Variants in DENND1B observed in about 807,000 individuals in gnomAD.
DENND1B encodes the protein DENN domain containing 1B.
In DENND1B, 59 loss-of-function variants were observed where a neutral mutation model predicts 90.1. The observed-to-expected ratio is 0.65, with a 90% CI of 0.53 to 0.81. The LOEUF is 0.81. Among genes scored for constraint, DENND1B ranks in the 40% least tolerant of loss-of-function variants. The pLI, the probability that DENND1B is intolerant of heterozygous loss-of-function variation, is 0.00. For missense variants in DENND1B, 862 were observed against 912.6 expected (o/e 0.94, Z 0.71); for synonymous variants, 337 against 324.6 (o/e 1.04, Z -0.41).
chr1:197,627,825 G>T (rs535049616), intron 10 of DENND1B, among the ~76,000 whole-genome samples: 1 of 152,266 alleles, frequency 6.6e-6, no homozygotes, highest in African/African-American at 2.4e-5. Flanking sequence ...AGCAACTTCA[G>T]CAAAGTCTCA....
intron 1 of DENND1B, chr1:197,774,730 A>AT: frequency 6.3e-6 from 1 of 158,526 alleles, no homozygotes; most frequent in Admixed American, 6.5e-5. Context: ...TAACCTCTTA[A>AT]CCTCAACGCT....
chr1:197,676,745 T>C (rs890572689), intron 3 of DENND1B, among the ~76,000 whole-genome samples: 2 of 152,158 alleles, frequency 1.3e-5, no homozygotes, highest in East Asian at 1.9e-4. Context: ...TTTCTGTGTA[T>C]GTCCTAAAAC....
chr1:197,706,464 CA>C (rs1468763767), intron 3 of DENND1B, among the ~76,000 whole-genome samples: 1 of 151,982 alleles, frequency 6.6e-6, no homozygotes, highest in Non-Finnish European at 1.5e-5. Context: ...TCGGCACAGC[CA>C]AAGGAACAAC....
chr1:197,675,308 T>C (rs1193115717), intron 3 of DENND1B, among the ~76,000 whole-genome samples: 1 of 152,164 alleles, frequency 6.6e-6, no homozygotes, highest in African/African-American at 2.4e-5. Flanking sequence ...AAGTAGAATT[T>C]CTTGCATTCT....
intron 15 of DENND1B, among the ~76,000 whole-genome samples, chr1:197,553,443 A>G (rs1341591061): frequency 1.3e-5 from 2 of 152,162 alleles, no homozygotes; most frequent in Non-Finnish European, 2.9e-5. Context: ...CAATCTCTAC[A>G]GAGGAGTTTG....
In DENND1B at chr1:197,585,291, A is replaced by T. The variant is rs531533727; in HGVS notation, c.1048-2038T>A. Among the ~76,000 whole-genome samples the T allele has an allele frequency of 2.0e-5, 3 of 152,338 alleles. No homozygotes were observed. In the South Asian group the frequency reaches 6.2e-4, roughly 32 times the overall value. ...ATATCATCTTCACAAAAATAAATAC[A>T]ATTTTAAAAATAAATATAAGTAATT... On this transcript the variant is annotated intron_variant, in intron 14 of 22. Coordinates refer to ENST00000620048, the MANE Select transcript of DENND1B (RefSeq NM_001195215.2).
At chr1:197,603,368 G>A (rs927868917) in intron 13 of DENND1B, among the ~76,000 whole-genome samples, 15 of 151,158 alleles carry the variant, frequency 9.9e-5, no homozygotes, top group African/African-American at 3.4e-4. Flanking sequence ...ACAGGCCTGA[G>A]GATCAACCTC....
At chr1:197,652,212 A>T (rs750138599) in intron 7 of DENND1B, 23 bp downstream of exon 7, 2 of 1,600,642 alleles carry the variant, frequency 1.2e-6, no homozygotes, top group Middle Eastern at 1.7e-4. Flanking sequence ...ACTCCCAAAA[A>T]CAATTACTGA....
rs1667807331 is a variant in DENND1B, at chr1:197,508,034, C to G, written c.*2426G>C. The stretch of plus-strand genomic sequence containing the variant: ...GTGGCTAAATATCCTCAAAGCAACA[C>G]AGTATTATAACCAAACACCTTGAAA... On this transcript the variant is annotated 3_prime_UTR_variant, in exon 23 of 23. Coordinates refer to ENST00000620048, the MANE Select transcript of DENND1B (RefSeq NM_001195215.2). The G allele has an allele frequency of 6.6e-6, 1 of 151,438 alleles. No individual in the cohort carries two copies. The highest frequency in any genetic ancestry group is 1.5e-5 in the Non-Finnish European group (1 of 67,704). 9.4% of individuals were successfully genotyped at this position (151,438 alleles called of 1,614,324 possible).
rs762498801 is a variant in DENND1B at position 197,760,518 on chromosome 1, G to A, written c.82+12350C>T. Among the ~76,000 whole-genome samples, 7 of 151,976 alleles carry A rather than the reference G, an allele frequency of 4.6e-5. No homozygotes were observed. In the South Asian group the frequency reaches 8.3e-4, roughly 18 times the overall value. On this transcript the variant is annotated intron_variant, in intron 2 of 22. Transcript: ENST00000620048. ...TAGCTGGGCATGGTGGTGTGTACCT[G>A]TAATCCCAGCTACTCGGGAGGCTGA...
intron 14 of DENND1B, among the ~76,000 whole-genome samples, chr1:197,586,842 CAG>C (rs530783524): frequency 1.3e-4 from 20 of 152,182 alleles, no homozygotes; most frequent in Non-Finnish European, 2.4e-4. Flanking sequence ...GACTGTATCA[CAG>C]AGTTAATCCC....
intron 3 of DENND1B, among the ~76,000 whole-genome samples, chr1:197,707,786 C>T (rs971673408): frequency 3.4e-5 from 5 of 148,418 alleles, no homozygotes; most frequent in South Asian, 2.1e-4. Flanking sequence ...ACGCAGAAGA[C>T]GGGTGATTTC....
rs567507977 is a variant in DENND1B, at chr1:197,745,842, G to A, written c.82+27026C>T. Among the ~76,000 whole-genome samples, 25 of 151,702 alleles carry A rather than the reference G, an allele frequency of 1.6e-4. No homozygotes were observed. The South Asian group carries it at 5.2e-3, about 32-fold the overall frequency. On this transcript the variant is annotated intron_variant, in intron 2 of 22. Coordinates refer to ENST00000620048, the MANE Select transcript of DENND1B (RefSeq NM_001195215.2). ...AATCATCTTCCAAATACTACATTCTGCCCCTTTCTTTATTGTAACAGTTTA... is the reference window on the plus strand; with the variant it reads ...AATCATCTTCCAAATACTACATTCTACCCCTTTCTTTATTGTAACAGTTTA...
chr1:197,739,344 C>T (rs1441104006), intron 2 of DENND1B, among the ~76,000 whole-genome samples: 4 of 152,180 alleles, frequency 2.6e-5, no homozygotes, highest in Non-Finnish European at 5.9e-5. Context: ...AAAACAAAAC[C>T]TTAAGTGCAT....
rs1656796848 is a variant in DENND1B, at chr1:197,772,883, C to T, written c.67G>A (p.Ala23Thr). Reference protein sequence around the residue: ...FDLVLKVKCHASENEDPVVLW... With the variant: ...FDLVLKVKCHTSENEDPVVLW... ...AGACACATACCTTCATTTTCAGAGG[C>T]ATGACATTTCACTTTCAACACCAAG... The change falls in exon 2 of 23, where the codon GCC (alanine) becomes ACC (threonine). Residue 23 changes from alanine to threonine, a missense_variant. By Grantham distance (58) the Ala-to-Thr change is moderately conservative. Transcript: ENST00000620048. 3 of 1,551,878 alleles carry T rather than the reference C, an allele frequency of 1.9e-6. No individual in the cohort carries two copies. Among genetic ancestry groups the T allele is most frequent in the Non-Finnish European group, 2.6e-6 (3 of 1,146,968 alleles).
chr1:197,577,646 A>C (rs778779278), intron 15 of DENND1B, among the ~76,000 whole-genome samples: 41 of 152,224 alleles, frequency 2.7e-4, no homozygotes, highest in Non-Finnish European at 4.9e-4. Flanking sequence ...TAAAAGTAAG[A>C]GACCTGAAAA....
chr1:197,667,678 C>G (rs569294307), intron 5 of DENND1B, among the ~76,000 whole-genome samples: 4 of 152,166 alleles, frequency 2.6e-5, no homozygotes, highest in Non-Finnish European at 5.9e-5. Flanking sequence ...GGATTACAGG[C>G]GTGGGCCCCT....
chr1:197,573,559 A>C (rs1238404602), intron 15 of DENND1B, among the ~76,000 whole-genome samples: 7 of 152,138 alleles, frequency 4.6e-5, no homozygotes, highest in Admixed American at 1.3e-4. Context: ...TGAAACTATT[A>C]CAATCAATAG....
At chr1:197,650,578 C>A (rs190334660) in intron 7 of DENND1B, among the ~76,000 whole-genome samples, 64 of 152,260 alleles carry the variant, frequency 4.2e-4, no homozygotes, top group Non-Finnish European at 7.1e-4. Flanking sequence ...ACGTTTATAG[C>A]AGCACAATTC....
Sources: allele counts gnomAD v4.1 joint callset (sites outside exome capture counted in the v4.1 genomes callset), GRCh38; gene constraint gnomAD v4.1.1; transcripts MANE v1.5; gene names NCBI Gene and HGNC (gene_info 2026-07-23, HGNC 2026-07-21).